GALNT9: variants seen among roughly 807,000 people sequenced by gnomAD.
The protein encoded by GALNT9 is polypeptide N-acetylgalactosaminyltransferase 9.
GALNT9 carries 47 observed loss-of-function variants against 63.1 expected under a neutral mutation model. That is an observed-to-expected ratio of 0.75 (90% CI 0.59 to 0.95). GALNT9 has a LOEUF of 0.95. GALNT9 is among the 40% of genes least tolerant of loss of function. The pLI, the probability that GALNT9 is intolerant of heterozygous loss-of-function variation, is 0.00. For missense variants in GALNT9, 829 were observed against 874.8 expected (o/e 0.95, Z 0.66); for synonymous variants, 396 against 365.7 (o/e 1.08, Z -0.94).
intron 6 of GALNT9, among the ~76,000 whole-genome samples, chr12:132,209,737 G>A (rs1379498625): frequency 2.0e-5 from 3 of 152,184 alleles, no homozygotes; most frequent in African/African-American, 7.2e-5. Flanking sequence ...GTTACCCTGC[G>A]TGGTCTAAAA....
At chr12:132,294,498 C>A (rs1420830883) in intron 1 of GALNT9, among the ~76,000 whole-genome samples, 1 of 152,238 alleles carries the variant, frequency 6.6e-6, no homozygotes, top group African/African-American at 2.4e-5. Context: ...CCGGGTGATG[C>A]TGAGGCTGCC....
chr12:132,240,571 C>T (rs2136898680), intron 6 of GALNT9: 3 of 453,872 alleles, frequency 6.6e-6, no homozygotes, highest in South Asian at 1.6e-5. Context: ...GGGCTCCGTG[C>T]GTGGCCCCGG....
chr12:132,240,461 G>C (rs184955619), intron 6 of GALNT9: 1 of 371,596 alleles, frequency 2.7e-6, no homozygotes, highest in Non-Finnish European at 5.3e-6. Context: ...CCCTCAGAAC[G>C]GAGCAAGAAT....
chr12:132,201,062 G>C (rs982662390), intron 8 of GALNT9, 62 bp downstream of exon 8: 16 of 1,486,966 alleles, frequency 1.1e-5, no homozygotes, highest in African/African-American at 1.4e-5. Context: ...GAATGCATAC[G>C]TGTGCAGGAG....
chr12:132,304,845 A>G (rs1555244431), intron 1 of GALNT9, among the ~76,000 whole-genome samples: 3 of 61,104 alleles, frequency 4.9e-5, no homozygotes, highest in Non-Finnish European at 8.8e-5. Context: ...GCCCGGGCAC[A>G]CCCTCACCCG....
rs1458454223 is a variant in GALNT9 at position 132,236,524 on chromosome 12, C to A, written c.1077+11386G>T. On this transcript the variant is annotated intron_variant, in intron 6 of 10. Transcript: ENST00000328957. The surrounding 1 kb of genome is among the most constrained non-coding windows in gnomAD (Gnocchi z 5.6). ...GGGGGGATGGCGTCTCTCCCTCCCC[C>A]AGCCCTTTCCCCTTCCTTCCTTCCC... 3.9e-5 allele frequency among the ~76,000 whole-genome samples: 6 copies of A among 152,180 alleles called. No homozygotes were observed. Among genetic ancestry groups the A allele is most frequent in the African/African-American group, 1.4e-4 (6 of 41,442 alleles).
At chr12:132,222,018 AAGAC>A (rs1474340270) in intron 6 of GALNT9, among the ~76,000 whole-genome samples, 1 of 152,184 alleles carries the variant, frequency 6.6e-6, no homozygotes, top group Non-Finnish European at 1.5e-5. Flanking sequence ...TAGAAAGCTC[AAGAC>A]AGACAGTGGA....
chr12:132,314,351 C>A (rs1868406440), intron 1 of GALNT9, among the ~76,000 whole-genome samples: 1 of 152,128 alleles, frequency 6.6e-6, no homozygotes, highest in African/African-American at 2.4e-5. Context: ...CTGTCTCCAT[C>A]TTTGCTAACT....
intron 8 of GALNT9, chr12:132,200,632 G>A (rs1357877857): frequency 6.5e-6 from 1 of 154,898 alleles, no homozygotes; most frequent in African/African-American, 2.4e-5. Context: ...TAGCAAAACT[G>A]GGTGCAAATG....
At chr12:132,292,860 G>C (rs1460733085) in intron 1 of GALNT9, among the ~76,000 whole-genome samples, 1 of 152,240 alleles carries the variant, frequency 6.6e-6, no homozygotes, top group African/African-American at 2.4e-5. Flanking sequence ...ACTCATGAGA[G>C]CTGTGCGGAG....
At chr12:132,285,063 A>G (rs994503911) in intron 2 of GALNT9, among the ~76,000 whole-genome samples, 1 of 152,142 alleles carries the variant, frequency 6.6e-6, no homozygotes, top group Non-Finnish European at 1.5e-5. Flanking sequence ...CCCATCTCAA[A>G]TGAGCTCCTG....
At chr12:132,229,726 G>T (rs2135525533) in intron 6 of GALNT9, among the ~76,000 whole-genome samples, 1 of 152,378 alleles carries the variant, frequency 6.6e-6, no homozygotes, top group Non-Finnish European at 1.5e-5. Flanking sequence ...AGGCGAGAAA[G>T]AAATCATGGT....
At chr12:132,268,357 A>C (rs58884245) in intron 2 of GALNT9, among the ~76,000 whole-genome samples, 18,662 of 152,118 alleles carry the variant, frequency 0.12, 3,150 homozygotes, top group African/African-American at 0.38. Context: ...TGGATAAATG[A>C]ATTTTGATCT....
At chr12:132,237,384 C>T (rs1364009887) in intron 6 of GALNT9, among the ~76,000 whole-genome samples, 7 of 151,772 alleles carry the variant, frequency 4.6e-5, no homozygotes, top group African/African-American at 7.3e-5. Context: ...CTGCTTATAC[C>T]GTACACAGGT....
Position 132,203,753 on chromosome 12 carries a change from T to A in GALNT9, c.1078-63A>T, listed in dbSNP as rs547439233. 3.0e-4 allele frequency: 456 copies of A among 1,544,512 alleles called. No homozygotes were observed. In the African/African-American group the frequency reaches 5.6e-3, roughly 19 times the overall value. ...AACGGAAGCGGGCAGCCCGGCCAGC[T>A]AGGGGCCCGTGAGAGGCCAAGGGGC... is the stretch of plus-strand genomic sequence containing the variant. On this transcript the variant is annotated intron_variant, in intron 6 of 10. Transcript: ENST00000328957.
chr12:132,256,262 C>A (rs115179385), intron 5 of GALNT9, among the ~76,000 whole-genome samples: 39 of 152,024 alleles, frequency 2.6e-4, no homozygotes, highest in African/African-American at 8.9e-4. Flanking sequence ...TTTTGCCTTC[C>A]GTGGAATTCT....
At chr12:132,281,285 G>A (rs1325788993) in intron 2 of GALNT9, among the ~76,000 whole-genome samples, 1 of 152,194 alleles carries the variant, frequency 6.6e-6, no homozygotes, top group African/African-American at 2.4e-5. Context: ...CAGGCACCGG[G>A]GAAGCTCCAG....
At chr12:132,277,082 C>T (rs1880125803) in intron 2 of GALNT9, among the ~76,000 whole-genome samples, 1 of 152,208 alleles carries the variant, frequency 6.6e-6, no homozygotes, top group Non-Finnish European at 1.5e-5. Flanking sequence ...TTCCGATGAC[C>T]AGCCCTGTCA....
intron 2 of GALNT9, among the ~76,000 whole-genome samples, chr12:132,264,485 C>T (rs1555240024): frequency 6.6e-6 from 1 of 152,262 alleles, no homozygotes; most frequent in Non-Finnish European, 1.5e-5. Context: ...GGGACACAGG[C>T]TTCTGCCTGC....
Sources: allele counts gnomAD v4.1 joint callset (sites outside exome capture counted in the v4.1 genomes callset), GRCh38; gene constraint gnomAD v4.1.1; non-coding constraint Gnocchi (gnomAD v3.1); transcripts MANE v1.5; gene names NCBI Gene and HGNC (gene_info 2026-07-23, HGNC 2026-07-21).